The following CNTNAP3B variants were observed in gnomAD, a reference collection of about 807,000 sequenced individuals.
CNTNAP3B encodes the protein contactin associated protein family member 3B.
Under a neutral mutation model 108.9 loss-of-function variants are expected in CNTNAP3B, and 25 were observed. The observed-to-expected ratio is 0.23, with a 90% CI of 0.17 to 0.32. The LOEUF (loss-of-function observed/expected upper bound fraction) is 0.32, where lower values mean the gene tolerates loss of function less well. Among genes scored for constraint, CNTNAP3B ranks in the 10% least tolerant of loss-of-function variants. The pLI, the probability that CNTNAP3B is intolerant of heterozygous loss-of-function variation, is 1.00. For synonymous variants in CNTNAP3B, 103 were observed against 473.4 expected (o/e 0.22, Z 10.16); for missense variants, 252 against 1,210.4 (o/e 0.21, Z 11.75).
chr9:42,077,312 G>A (rs1204491242), intron 2 of CNTNAP3B, among the ~76,000 whole-genome samples: 4 of 128,550 alleles, frequency 3.1e-5, no homozygotes, highest in South Asian at 2.6e-4. Context: ...AATGCAGGTG[G>A]CCACTAGAGC....
intron 11 of CNTNAP3B, among the ~76,000 whole-genome samples, chr9:41,962,206 G>A (rs1338742452): frequency 2.0e-5 from 3 of 152,152 alleles, no homozygotes; most frequent in Non-Finnish European, 2.9e-5. Flanking sequence ...TTAATTAGTT[G>A]CACATAATTG....
chr9:42,064,708 T>C (rs1385776092), intron 3 of CNTNAP3B, among the ~76,000 whole-genome samples: 1 of 132,656 alleles, frequency 7.5e-6, no homozygotes, highest in Middle Eastern at 3.4e-3. Context: ...ATGCAGTATT[T>C]GATTTTCTGT....
rs1443097202 is a variant in CNTNAP3B, at chr9:42,111,173, C to T, written c.86-6434G>A. On this transcript the variant is annotated intron_variant, in intron 1 of 23. Coordinates refer to ENST00000377561, the MANE Select transcript of CNTNAP3B (RefSeq NM_001201380.3). ...GGTTCCAGGATGGTCAGGAAGCCCA[C>T]GCTGAATGAATGGGAACAGAACCTG... Among the ~76,000 whole-genome samples, 26 of 139,048 alleles carry T rather than the reference C, an allele frequency of 1.9e-4. 2 individuals carry two copies. Among genetic ancestry groups the T allele is most frequent in the Admixed American group, 1.2e-3 (17 of 13,958 alleles). 91.2% of individuals were successfully genotyped at this position (139,048 alleles called of 152,430 possible).
At chr9:41,927,841 T>C (rs1443715142) in intron 15 of CNTNAP3B, among the ~76,000 whole-genome samples, 8 of 150,964 alleles carry the variant, frequency 5.3e-5, no homozygotes, top group African/African-American at 1.7e-4. Flanking sequence ...AGAATAATCA[T>C]ATTGAATGCA....
chr9:41,957,720 C>T (rs1334267257), intron 12 of CNTNAP3B, among the ~76,000 whole-genome samples: 1 of 152,246 alleles, frequency 6.6e-6, no homozygotes, highest in African/African-American at 2.4e-5. Context: ...ATTCCAATGT[C>T]CCTGCCATAT....
At chr9:41,936,753 A>AT (rs1824168756) in intron 14 of CNTNAP3B, among the ~76,000 whole-genome samples, 1 of 152,238 alleles carries the variant, frequency 6.6e-6, no homozygotes, top group South Asian at 2.1e-4. Flanking sequence ...AACTGCATTC[A>AT]TTTTTAAGTA....
intron 14 of CNTNAP3B, among the ~76,000 whole-genome samples, chr9:41,931,512 G>A (rs1044552020): frequency 5.1e-4 from 77 of 152,330 alleles, no homozygotes; most frequent in African/African-American, 1.8e-3. Flanking sequence ...AAAATAAAAT[G>A]GCTATATTAT....
At chr9:41,951,949 C>T (rs1159316716) in intron 13 of CNTNAP3B, among the ~76,000 whole-genome samples, 2 of 152,240 alleles carry the variant, frequency 1.3e-5, no homozygotes, top group Non-Finnish European at 2.9e-5. Flanking sequence ...TGGCGGCACC[C>T]GCCTGTATTC....
intron 1 of CNTNAP3B, among the ~76,000 whole-genome samples, chr9:42,119,975 G>A (rs942294601): frequency 1.4e-4 from 20 of 143,146 alleles, no homozygotes; most frequent in African/African-American, 5.4e-4. Context: ...ATTGACAAAT[G>A]GGATCTAATT....
chr9:42,056,767 A>G (rs1369445887), intron 3 of CNTNAP3B, among the ~76,000 whole-genome samples: 1 of 123,848 alleles, frequency 8.1e-6, no homozygotes, highest in Non-Finnish European at 1.7e-5. Flanking sequence ...CTTTACAAAA[A>G]AACTGTGTCA....
At chr9:41,931,386 C>A (rs1823973711) in intron 14 of CNTNAP3B, among the ~76,000 whole-genome samples, 1 of 152,248 alleles carries the variant, frequency 6.6e-6, no homozygotes, top group African/African-American at 2.4e-5. Flanking sequence ...ACTATAATTT[C>A]TCTAGTTCTA....
intron 11 of CNTNAP3B, among the ~76,000 whole-genome samples, chr9:41,962,967 AC>A (rs1825149717): frequency 6.7e-6 from 1 of 149,540 alleles, no homozygotes; most frequent in Admixed American, 6.7e-5. Context: ...AAAACAAAAA[AC>A]AAACAAACAA....
rs1823915285 is a variant in CNTNAP3B, at chr9:41,929,580, G to A, written c.2238-136C>T. On this transcript the variant is annotated intron_variant, in intron 14 of 23. Coordinates refer to ENST00000377561, the MANE Select transcript of CNTNAP3B (RefSeq NM_001201380.3). ...ACTTAACATTTTCAATATTTTGAGAGCACAGAGACTACCATGAATCTAAAT... is the reference window on the plus strand; with the variant it reads ...ACTTAACATTTTCAATATTTTGAGAACACAGAGACTACCATGAATCTAAAT... 5 of 1,080,362 alleles carry A rather than the reference G, an allele frequency of 4.6e-6. No homozygotes were observed. In the South Asian group the frequency reaches 8.1e-5, roughly 18 times the overall value. The allele number at this position is 1,080,362 out of a possible 1,614,324, so 66.9% of individuals were successfully genotyped here.
rs1003792764 is a variant in CNTNAP3B at position 42,094,582 on chromosome 9, G to A, written c.196+10047C>T. 5.5e-4 allele frequency among the ~76,000 whole-genome samples: 72 copies of A among 130,666 alleles called. 4 individuals carry two copies. The highest frequency in any genetic ancestry group is 2.1e-3 in the African/African-American group (68 of 32,060). The allele number at this position is 130,666 out of a possible 152,430, so 85.7% of individuals were successfully genotyped here. On this transcript the variant is annotated intron_variant, in intron 2 of 23. Coordinates refer to ENST00000377561, the MANE Select transcript of CNTNAP3B (RefSeq NM_001201380.3). ...AGGTGGGAGGATCACCTGAGCCCACGGAGGTTGAGGCTACACTAAGCTGTG... is the reference window on the plus strand; with the variant it reads ...AGGTGGGAGGATCACCTGAGCCCACAGAGGTTGAGGCTACACTAAGCTGTG...
In CNTNAP3B at chr9:41,964,472, A is replaced by C. The variant is rs557129660; in HGVS notation, c.1756+66T>G. The C allele has an allele frequency of 7.6e-5, 106 of 1,398,116 alleles. No individual in the cohort carries two copies. The African/African-American group carries it at 1.5e-3, about 20-fold the overall frequency. The allele number at this position is 1,398,116 out of a possible 1,614,324, so 86.6% of individuals were successfully genotyped here. ...GATTGCAAATATGCAGATACATATA[A>C]ACAACTAATCAAAATGAAATGACAA... On this transcript the variant is annotated intron_variant, in intron 11 of 23. Transcript: ENST00000377561.
At chr9:42,041,474 G>A (rs1826752136) in intron 3 of CNTNAP3B, among the ~76,000 whole-genome samples, 2 of 149,480 alleles carry the variant, frequency 1.3e-5, no homozygotes, top group Non-Finnish European at 3.0e-5. Flanking sequence ...GCAGCCAACA[G>A]ACACATGAAA....
chr9:42,099,423 G>A lies in CNTNAP3B; in HGVS notation c.196+5206C>T, dbSNP rs1236906804. 2.2e-5 allele frequency among the ~76,000 whole-genome samples: 3 copies of A among 135,404 alleles called. 1 individual carries two copies. Among genetic ancestry groups the A allele is most frequent in the African/African-American group, 8.9e-5 (3 of 33,734 alleles). 88.8% of individuals were successfully genotyped at this position (135,404 alleles called of 152,430 possible). On this transcript the variant is annotated intron_variant, in intron 2 of 23. Transcript: ENST00000377561. ...CCATATAGTTAATCTCTTCAGGTGAGAAGCTATAAACATAAGACACTTCTT... is the reference window on the plus strand; with the variant it reads ...CCATATAGTTAATCTCTTCAGGTGAAAAGCTATAAACATAAGACACTTCTT...
At chr9:41,981,810 T>C (rs1438544755) in intron 9 of CNTNAP3B, among the ~76,000 whole-genome samples, 1 of 58,488 alleles carries the variant, frequency 1.7e-5, no homozygotes, top group Non-Finnish European at 3.3e-5. Context: ...CCCAACACTT[T>C]GGGAGGGTGA....
At chr9:41,918,038 G>GT (rs1338822186) in intron 18 of CNTNAP3B, among the ~76,000 whole-genome samples, 1 of 152,304 alleles carries the variant, frequency 6.6e-6, no homozygotes, top group Admixed American at 6.5e-5. Context: ...TTCAATAGTT[G>GT]TTTTTTAAAA....
Sources: allele counts gnomAD v4.1 joint callset (sites outside exome capture counted in the v4.1 genomes callset), GRCh38; gene constraint gnomAD v4.1.1; transcripts MANE v1.5; gene names NCBI Gene and HGNC (gene_info 2026-07-23, HGNC 2026-07-21).